SPOCK3: variants seen among roughly 807,000 people sequenced by gnomAD.
SPOCK3 encodes the protein SPARC (osteonectin), cwcv and kazal like domains proteoglycan 3.
Under a neutral mutation model 56.6 loss-of-function variants are expected in SPOCK3, and 30 were observed. The ratio of observed to expected loss-of-function variants is 0.53; its 90% CI spans 0.40 to 0.72. SPOCK3 has a LOEUF of 0.72. SPOCK3 is among the 30% of genes least tolerant of loss of function. The pLI, the probability that SPOCK3 is intolerant of heterozygous loss-of-function variation, is 0.00. For missense variants in SPOCK3, 527 were observed against 530.0 expected, an observed-to-expected ratio of 0.99 and a Z score of 0.06; for synonymous variants, 196 against 183.3, an observed-to-expected ratio of 1.07 and a Z score of -0.56.
chr4:166,743,611 A>G (rs969316235), intron 8 of SPOCK3, among the ~76,000 whole-genome samples: 5 of 152,196 alleles, frequency 3.3e-5, no homozygotes, highest in African/African-American at 9.6e-5. Flanking sequence ...GACTGGTCAG[A>G]AAATGGGTGC....
chr4:166,754,099 T>C (rs1736756063), intron 8 of SPOCK3: 1 of 970,174 alleles, frequency 1.0e-6, no homozygotes, highest in Non-Finnish European at 1.2e-6. Flanking sequence ...ATTCAACTCA[T>C]TTAATAAGAT....
chr4:167,132,990 C>T (rs567683869), intron 2 of SPOCK3, among the ~76,000 whole-genome samples: 17 of 152,230 alleles, frequency 1.1e-4, no homozygotes, highest in African/African-American at 4.1e-4. Context: ...TTGGGGACTA[C>T]CATTCAATCC....
At chr4:167,029,606 T>A (rs940831517) in intron 3 of SPOCK3, among the ~76,000 whole-genome samples, 5 of 152,076 alleles carry the variant, frequency 3.3e-5, no homozygotes, top group African/African-American at 1.2e-4. Context: ...ATGGGTCAAT[T>A]TTCCTCCCAT....
At position 167,019,590 on chromosome 4, in the gene SPOCK3, A is replaced by G. The variant is rs1192691092; in HGVS notation, c.236-19127T>C. On this transcript the variant is annotated intron_variant, in intron 3 of 10. Coordinates refer to ENST00000357545, the MANE Select transcript of SPOCK3 (RefSeq NM_001040159.2). Reference sequence around the variant, plus strand: ...CAGTTTTCTATTTTAAATTATTTGCATTTAGTTTTTTATCCCGAATTCTTA... The same window carrying G: ...CAGTTTTCTATTTTAAATTATTTGCGTTTAGTTTTTTATCCCGAATTCTTA... 2.0e-5 allele frequency among the ~76,000 whole-genome samples: 3 copies of G among 151,858 alleles called. No individual in the cohort carries two copies. In the South Asian group the frequency reaches 6.2e-4, roughly 31 times the overall value.
intron 3 of SPOCK3, among the ~76,000 whole-genome samples, chr4:167,022,524 G>A (rs1751289077): frequency 6.6e-6 from 1 of 152,010 alleles, no homozygotes; most frequent in Non-Finnish European, 1.5e-5. Flanking sequence ...CCATGGTGCT[G>A]AGCCATACTG....
intron 2 of SPOCK3, among the ~76,000 whole-genome samples, chr4:167,101,117 G>T (rs1467040168): frequency 6.6e-6 from 1 of 152,066 alleles, no homozygotes; most frequent in Non-Finnish European, 1.5e-5. Flanking sequence ...TTTCCCTAAT[G>T]TTCTCTTAAG....
At chr4:167,084,305 A>G (rs1472651121) in intron 2 of SPOCK3, among the ~76,000 whole-genome samples, 2 of 152,146 alleles carry the variant, frequency 1.3e-5, no homozygotes, top group African/African-American at 4.8e-5. Context: ...ACATAATAAC[A>G]TTGGTTCTAC....
chr4:167,186,082 T>A (rs989585009), intron 2 of SPOCK3, among the ~76,000 whole-genome samples: 3 of 152,182 alleles, frequency 2.0e-5, no homozygotes, highest in African/African-American at 7.2e-5. Context: ...GATGGAAGAA[T>A]AATTTAGAAG....
chr4:166,894,487 AC>A (rs1348206632), intron 5 of SPOCK3, among the ~76,000 whole-genome samples: 1 of 152,172 alleles, frequency 6.6e-6, no homozygotes, highest in Non-Finnish European at 1.5e-5. Flanking sequence ...TCACAGATAT[AC>A]AAGTTAATTT....
At chr4:166,832,882 T>A (rs374868039) in intron 6 of SPOCK3, among the ~76,000 whole-genome samples, 2 of 152,078 alleles carry the variant, frequency 1.3e-5, no homozygotes, top group South Asian at 4.1e-4. Flanking sequence ...ATGGCAACAA[T>A]AAATTCTGGG....
chr4:167,089,230 C>T (rs142661055), intron 2 of SPOCK3, among the ~76,000 whole-genome samples: 44 of 151,884 alleles, frequency 2.9e-4, no homozygotes, highest in Admixed American at 8.5e-4. Context: ...AAACAACAAC[C>T]GACCAAACAA....
intron 6 of SPOCK3, among the ~76,000 whole-genome samples, chr4:166,812,985 A>G (rs1367947992): frequency 6.6e-6 from 1 of 152,048 alleles, no homozygotes; most frequent in Non-Finnish European, 1.5e-5. Context: ...TAGCATAATG[A>G]ATTTTCCATT....
chr4:167,199,457 A>ATTGTGC (rs1194560829), intron 2 of SPOCK3, among the ~76,000 whole-genome samples: 2 of 152,118 alleles, frequency 1.3e-5, no homozygotes, highest in Admixed American at 6.6e-5. Flanking sequence ...GTGCAAGAAC[A>ATTGTGC]AAGACTGGCC....
At chr4:167,162,375 T>C (rs1001363764) in intron 2 of SPOCK3, among the ~76,000 whole-genome samples, 8 of 152,126 alleles carry the variant, frequency 5.3e-5, no homozygotes, top group African/African-American at 1.9e-4. Flanking sequence ...TTTTAAGCAC[T>C]ATCTATGAAT....
chr4:167,167,820 T>A (rs2150457794), intron 2 of SPOCK3, among the ~76,000 whole-genome samples: 2 of 152,228 alleles, frequency 1.3e-5, no homozygotes, highest in South Asian at 2.1e-4. Context: ...ATCGGTACCT[T>A]TAACATATGT....
At chr4:166,831,989 T>C (rs544205016) in intron 6 of SPOCK3, among the ~76,000 whole-genome samples, 8 of 152,166 alleles carry the variant, frequency 5.3e-5, no homozygotes, top group African/African-American at 1.9e-4. Context: ...TACTAGACCT[T>C]TGTCAGATAT....
intron 2 of SPOCK3, among the ~76,000 whole-genome samples, chr4:167,175,958 C>A (rs903491546): frequency 6.6e-6 from 1 of 152,106 alleles, no homozygotes; most frequent in Non-Finnish European, 1.5e-5. Context: ...AAATTAATAT[C>A]ATCTATTTCC....
intron 2 of SPOCK3, among the ~76,000 whole-genome samples, chr4:167,070,788 T>C (rs10050203): frequency 0.062 from 9,493 of 151,974 alleles, 473 homozygotes; most frequent in African/African-American, 0.14. Flanking sequence ...TGTGTAGAAA[T>C]ACTTAATACA....
At chr4:166,829,806 G>A (rs1369758937) in intron 6 of SPOCK3, among the ~76,000 whole-genome samples, 1 of 151,808 alleles carries the variant, frequency 6.6e-6, no homozygotes. Context: ...TTTTACACCA[G>A]GAGTTGTCTA....
Sources: gnomAD v4.1 joint callset for allele counts (sites outside exome capture counted in the v4.1 genomes callset) on GRCh38, gnomAD v4.1.1 for gene constraint, MANE v1.5 for transcripts, NCBI Gene and HGNC (gene_info 2026-07-23, HGNC 2026-07-21) for gene names.